Variants in LRRC7 observed in about 807,000 individuals in gnomAD.
The protein encoded by LRRC7 is leucine rich repeat containing 7.
A neutral mutation model predicts 175.7 loss-of-function variants in LRRC7; 23 were observed. The observed-to-expected ratio is 0.13, with a 90% CI of 0.09 to 0.19. The LOEUF is 0.19. Among genes scored for constraint, LRRC7 ranks in the 10% least tolerant of loss-of-function variants. The pLI is 1.00. For synonymous variants in LRRC7, 685 were observed against 680.9 expected (o/e 1.01, Z -0.09); for missense variants, 1,354 against 1,904.7 (o/e 0.71, Z 5.38).
chr1:69,713,386 T>C (rs946100700), intron 2 of LRRC7, among the ~76,000 whole-genome samples: 2 of 152,006 alleles, frequency 1.3e-5, no homozygotes, highest in Admixed American at 1.3e-4. Context: ...CGTCATCTAC[T>C]CTGGAGGCCG....
intron 7 of LRRC7, among the ~76,000 whole-genome samples, chr1:69,907,937 G>C (rs1025942738): frequency 1.3e-4 from 20 of 152,274 alleles, no homozygotes; most frequent in African/African-American, 4.6e-4. Flanking sequence ...CACAATTTCA[G>C]AGGCTGTTAT....
At chr1:69,695,326 A>G (rs1342551386) in intron 2 of LRRC7, among the ~76,000 whole-genome samples, 2 of 152,320 alleles carry the variant, frequency 1.3e-5, no homozygotes, top group South Asian at 2.1e-4. Context: ...AAGCAGAAAA[A>G]CATTCAAAAT....
chr1:69,919,599 A>C (rs374893471), intron 7 of LRRC7: 13 of 812,682 alleles, frequency 1.6e-5, no homozygotes, highest in African/African-American at 1.3e-4. Flanking sequence ...ACCAAGGAGG[A>C]GGCCCTGGAG....
intron 8 of LRRC7, among the ~76,000 whole-genome samples, chr1:69,939,221 C>T (rs1570736344): frequency 6.6e-6 from 1 of 151,360 alleles, no homozygotes; most frequent in African/African-American, 2.4e-5. Context: ...GATGGTTTAT[C>T]GTGTATGAGA....
chr1:69,887,751 A>G (rs1425586185), intron 7 of LRRC7, among the ~76,000 whole-genome samples: 1 of 147,466 alleles, frequency 6.8e-6, no homozygotes, highest in Non-Finnish European at 1.5e-5. Context: ...TTGTGGTTTT[A>G]TCTACTTTTG....
intron 4 of LRRC7, among the ~76,000 whole-genome samples, chr1:69,822,021 T>C (rs1679354889): frequency 6.6e-6 from 1 of 152,170 alleles, no homozygotes; most frequent in Non-Finnish European, 1.5e-5. Context: ...TTTACTGACT[T>C]GCTTCAGGAG....
At chr1:70,052,875 G>T (rs2421317) in intron 22 of LRRC7, 151 bp from the exon 23 acceptor site, 60,784 of 639,758 alleles carry the variant, frequency 0.095, 4,099 homozygotes, top group African/African-American at 0.24. Context: ...TTCTTACCCA[G>T]TAAATAGTAT....
intron 4 of LRRC7, among the ~76,000 whole-genome samples, chr1:69,816,260 A>C (rs1269693076): frequency 6.6e-6 from 1 of 152,118 alleles, no homozygotes; most frequent in Non-Finnish European, 1.5e-5. Context: ...TTACAGGCGC[A>C]AGCCACTGTG....
intron 1 of LRRC7, among the ~76,000 whole-genome samples, chr1:69,652,802 G>A (rs190188378): frequency 5.9e-5 from 9 of 151,932 alleles, no homozygotes; most frequent in Admixed American, 5.2e-4. Context: ...ATAGACCAAT[G>A]GAACAAAGAG....
chr1:69,650,515 G>A (rs1434134011), intron 1 of LRRC7, among the ~76,000 whole-genome samples: 1 of 102,410 alleles, frequency 9.8e-6, no homozygotes, highest in Non-Finnish European at 1.9e-5. Context: ...ACTCCAGCCT[G>A]GGCGAAAAAG....
rs917043086 is a variant in LRRC7, at chr1:69,594,477, T to C, written c.2+25836T>C. Reference sequence around the variant, plus strand: ...TTCAAAGTAGCCCCTAGGACGGCTCTTCTTTGATGCTAACAATTCTGTTAC... The same window carrying C: ...TTCAAAGTAGCCCCTAGGACGGCTCCTCTTTGATGCTAACAATTCTGTTAC... On this transcript the variant is annotated intron_variant, in intron 1 of 26. Coordinates refer to ENST00000651989, the MANE Select transcript of LRRC7 (RefSeq NM_001370785.2). Among the ~76,000 whole-genome samples the C allele has an allele frequency of 2.0e-5, 3 of 152,182 alleles. No individual in the cohort carries two copies. In the East Asian group the frequency reaches 5.8e-4, roughly 29 times the overall value.
At chr1:69,975,135 A>G (rs1652678141) in intron 8 of LRRC7, among the ~76,000 whole-genome samples, 2 of 152,220 alleles carry the variant, frequency 1.3e-5, no homozygotes, top group Non-Finnish European at 2.9e-5. Context: ...TAAAGTCCCC[A>G]GTAAAACCCA....
At chr1:69,916,882 G>A (rs1018656681) in intron 7 of LRRC7, among the ~76,000 whole-genome samples, 2 of 151,858 alleles carry the variant, frequency 1.3e-5, no homozygotes, top group Non-Finnish European at 2.9e-5. Context: ...AATAAAATAG[G>A]GTAATATATA....
At chr1:69,870,621 A>G (rs1428683636) in intron 7 of LRRC7, among the ~76,000 whole-genome samples, 1 of 152,152 alleles carries the variant, frequency 6.6e-6, no homozygotes, top group East Asian at 1.9e-4. Flanking sequence ...TAATAAATGT[A>G]TACATGCAAT....
rs1321103252 is a variant in LRRC7, at chr1:70,129,771, A to T, written c.*7884A>T. 6.6e-6 allele frequency among the ~76,000 whole-genome samples: 1 copy of T among 152,222 alleles called. No homozygotes were observed. Among genetic ancestry groups the T allele is most frequent in the Non-Finnish European group, 1.5e-5 (1 of 68,040 alleles). ...GTGATCCCCTGAAAATACTGTTTGCATGAGATTGGATCACACATACCATGT... is the reference window on the plus strand; with the variant it reads ...GTGATCCCCTGAAAATACTGTTTGCTTGAGATTGGATCACACATACCATGT... On this transcript the variant is annotated 3_prime_UTR_variant, in exon 27 of 27. Transcript: ENST00000651989.
intron 8 of LRRC7, among the ~76,000 whole-genome samples, chr1:69,953,860 G>A (rs970091318): frequency 6.6e-6 from 1 of 151,962 alleles, no homozygotes; most frequent in Non-Finnish European, 1.5e-5. Flanking sequence ...AGTGAGTTTG[G>A]TGCAGAGCTC....
intron 11 of LRRC7, among the ~76,000 whole-genome samples, chr1:70,002,734 G>A (rs1655646786): frequency 6.6e-6 from 1 of 151,968 alleles, no homozygotes; most frequent in Non-Finnish European, 1.5e-5. Flanking sequence ...TCTGTAAAAT[G>A]GAAATAATAA....
intron 3 of LRRC7, among the ~76,000 whole-genome samples, chr1:69,789,805 TG>T (rs1674900707): frequency 6.6e-6 from 1 of 152,130 alleles, no homozygotes; most frequent in Non-Finnish European, 1.5e-5. Flanking sequence ...CCATGATTCC[TG>T]CCTCCGTCAT....
chr1:69,697,248 T>G (rs1662727403), intron 2 of LRRC7, among the ~76,000 whole-genome samples: 1 of 152,200 alleles, frequency 6.6e-6, no homozygotes, highest in African/African-American at 2.4e-5. Flanking sequence ...TTCACACAAC[T>G]GCAATTCCTC....
Sources: gnomAD v4.1 joint callset for allele counts (sites outside exome capture counted in the v4.1 genomes callset) on GRCh38, gnomAD v4.1.1 for gene constraint, MANE v1.5 for transcripts, NCBI Gene and HGNC (gene_info 2026-07-23, HGNC 2026-07-21) for gene names.